MIR2052HG: variants seen among roughly 807,000 people sequenced by gnomAD.
The protein encoded by MIR2052HG is MIR2052 host gene.
intron 2 of MIR2052HG, among the ~76,000 whole-genome samples, chr8:74,690,806 A>G (rs934568566): frequency 1.3e-5 from 2 of 152,164 alleles, no homozygotes; most frequent in African/African-American, 4.8e-5. Flanking sequence ...CATCGAAGGC[A>G]ATAAATGGAA....
chr8:74,627,677 T>A (rs1808454211), intron 2 of MIR2052HG, among the ~76,000 whole-genome samples: 1 of 152,178 alleles, frequency 6.6e-6, no homozygotes, highest in Non-Finnish European at 1.5e-5. Context: ...CCCGAATAAT[T>A]GTGTCAGTTA....
chr8:74,651,482 A>G (rs1808751847), intron 2 of MIR2052HG, among the ~76,000 whole-genome samples: 1 of 152,110 alleles, frequency 6.6e-6, no homozygotes, highest in Non-Finnish European at 1.5e-5. Context: ...CATTTATAAC[A>G]TATTTTCTTG....
intron 2 of MIR2052HG, among the ~76,000 whole-genome samples, chr8:74,685,564 A>T (rs1809171398): frequency 6.6e-6 from 1 of 152,082 alleles, no homozygotes; most frequent in Non-Finnish European, 1.5e-5. Flanking sequence ...GGGTCACATA[A>T]CTTTTCAATT....
chr8:74,618,058 G>A (rs560399895), intron 2 of MIR2052HG, among the ~76,000 whole-genome samples: 12 of 152,262 alleles, frequency 7.9e-5, no homozygotes, highest in African/African-American at 1.4e-4. Flanking sequence ...GGGAAGTGCC[G>A]TACTATTCAG....
chr8:74,709,082 A>G (rs892300558), intron 4 of MIR2052HG, among the ~76,000 whole-genome samples: 2 of 152,146 alleles, frequency 1.3e-5, no homozygotes, highest in Non-Finnish European at 2.9e-5. Flanking sequence ...TGTATCAGAA[A>G]TAATCATCAA....
chr8:74,755,758 G>A (rs1043320161), intron 5 of MIR2052HG, among the ~76,000 whole-genome samples: 18 of 152,092 alleles, frequency 1.2e-4, no homozygotes, highest in African/African-American at 3.6e-4. Context: ...CTCTTCAAGC[G>A]GCCACTTGAG....
intron 4 of MIR2052HG, among the ~76,000 whole-genome samples, chr8:74,725,700 G>A (rs1051042612): frequency 1.1e-4 from 16 of 152,064 alleles, no homozygotes; most frequent in South Asian, 2.1e-4. Flanking sequence ...GCTAAAGCCC[G>A]GAAGGTCATT....
intron 4 of MIR2052HG, among the ~76,000 whole-genome samples, chr8:74,721,691 AGGCCTAGAACT>A: frequency 6.6e-6 from 1 of 152,344 alleles, no homozygotes; most frequent in East Asian, 1.9e-4. Flanking sequence ...TTGAAGGGCG[AGGCCTAGAACT>A]GGCATAGTGT....
At chr8:74,703,614 T>C (rs779597929) in exon 4 of MIR2052HG, 65 of 452,282 alleles carry the variant, frequency 1.4e-4, no homozygotes, top group Non-Finnish European at 2.6e-4. Context: ...AGGTTGCTTA[T>C]TGAATATTAC....
chr8:74,663,655 C>G lies in MIR2052HG; in HGVS notation n.217-38724C>G, dbSNP rs79480008. Among the ~76,000 whole-genome samples, 512 of 152,340 alleles carry G rather than the reference C, an allele frequency of 3.4e-3. 4 individuals carry two copies. Among genetic ancestry groups the G allele is most frequent in the Non-Finnish European group, 5.9e-3 (402 of 68,032 alleles). On this transcript the variant is annotated intron_variant and non_coding_transcript_variant, in intron 2 of 6. Coordinates refer to ENST00000523442, the Ensembl canonical transcript of MIR2052HG. Reference sequence around the variant, plus strand: ...CTAACTCTCATGAAGTAAATAGTTTCAGCTTTACAAAATTGCAGAATCTCA... The same window carrying G: ...CTAACTCTCATGAAGTAAATAGTTTGAGCTTTACAAAATTGCAGAATCTCA...
At chr8:74,631,201 T>A (rs1808506442) in intron 2 of MIR2052HG, among the ~76,000 whole-genome samples, 1 of 152,244 alleles carries the variant, frequency 6.6e-6, no homozygotes, top group African/African-American at 2.4e-5. Context: ...CCTTTTGGCC[T>A]GGCGGGCTAG....
chr8:74,603,574 G>C (rs1340673299), intron 1 of MIR2052HG: 7 of 1,545,032 alleles, frequency 4.5e-6, no homozygotes, highest in African/African-American at 1.4e-5. Flanking sequence ...GTTGCCATGC[G>C]TCATGGGAAA....
chr8:74,623,029 C>T (rs1465723153), intron 2 of MIR2052HG, among the ~76,000 whole-genome samples: 4 of 152,032 alleles, frequency 2.6e-5, no homozygotes, highest in Admixed American at 2.0e-4. Context: ...TCAAAGAACA[C>T]AAATTTCAGT....
chr8:74,756,519 C>A (rs1191535941), intron 5 of MIR2052HG: 1 of 152,186 alleles, frequency 6.6e-6, no homozygotes, highest in Non-Finnish European at 1.5e-5. Context: ...TTAAGGTTTA[C>A]AGAAATTCTG....
At chr8:74,644,827 G>T (rs1041748139) in intron 2 of MIR2052HG, among the ~76,000 whole-genome samples, 1 of 151,970 alleles carries the variant, frequency 6.6e-6, no homozygotes, top group East Asian at 1.9e-4. Flanking sequence ...GGAGGTTGAG[G>T]CTGCAGTGAG....
intron 2 of MIR2052HG, among the ~76,000 whole-genome samples, chr8:74,613,122 T>C (rs1808224229): frequency 6.6e-6 from 1 of 152,174 alleles, no homozygotes; most frequent in Non-Finnish European, 1.5e-5. Flanking sequence ...CTAAAATGCT[T>C]AGACAGAAAT....
chr8:74,696,279 A>T lies in MIR2052HG; in HGVS notation n.217-6100A>T, dbSNP rs543681802. On this transcript the variant is annotated intron_variant and non_coding_transcript_variant, in intron 2 of 6. Coordinates refer to ENST00000523442, the Ensembl canonical transcript of MIR2052HG. ...TAAAAAATTATTTGAACTGAACGAT[A>T]ATAGTGACACAACCTCTCAAAACCT... Among the ~76,000 whole-genome samples, 5 of 152,298 alleles carry T rather than the reference A, an allele frequency of 3.3e-5. No individual in the cohort carries two copies. The South Asian group carries it at 1.0e-3, about 32-fold the overall frequency.
intron 1 of MIR2052HG, among the ~76,000 whole-genome samples, chr8:74,600,442 G>A (rs1441670402): frequency 6.6e-6 from 1 of 151,380 alleles, no homozygotes; most frequent in Non-Finnish European, 1.5e-5. Flanking sequence ...AATTAGCCGG[G>A]CGTGGTTGCA....
chr8:74,650,996 CT>C (rs560771809), intron 2 of MIR2052HG, among the ~76,000 whole-genome samples: 344 of 152,242 alleles, frequency 2.3e-3, no homozygotes, highest in African/African-American at 7.6e-3. Context: ...TTATTGCACT[CT>C]GTGTCATCTC....
Sources: allele counts gnomAD v4.1 joint callset (sites outside exome capture counted in the v4.1 genomes callset), GRCh38; gene constraint gnomAD v4.1.1; transcripts MANE v1.5; gene names NCBI Gene and HGNC (gene_info 2026-07-23, HGNC 2026-07-21).